LRP1B: variants seen among roughly 807,000 people sequenced by gnomAD.
LRP1B encodes LDL receptor related protein 1B, also known as low-density lipoprotein receptor-related protein 1B.
Under a neutral mutation model 556.6 loss-of-function variants are expected in LRP1B, and 217 were observed. The observed-to-expected ratio is 0.39, with a 90% CI of 0.35 to 0.44. LRP1B has a LOEUF of 0.44. Among genes scored for constraint, LRP1B ranks in the 20% least tolerant of loss-of-function variants. The pLI is 1.00. For synonymous variants in LRP1B, 2,047 were observed against 1,865.8 expected, an observed-to-expected ratio of 1.10 and a Z score of -2.50; for missense variants, 5,053 against 5,620.8, an observed-to-expected ratio of 0.90 and a Z score of 3.23.
intron 3 of LRP1B, among the ~76,000 whole-genome samples, chr2:141,367,203 C>A (rs74687083): frequency 6.6e-6 from 1 of 152,072 alleles, no homozygotes; most frequent in Non-Finnish European, 1.5e-5. Context: ...ATTAAGTGAG[C>A]TTCACATAAT....
At position 142,093,436 on chromosome 2, in the gene LRP1B, C is replaced by T. The variant is rs971753994; in HGVS notation, c.82+37212G>A. ...GGTGCAAGGAATGGAGAGTTAGCTC[C>T]TTTCTATTTTAAGATCACCACGTTC... is the stretch of plus-strand genomic sequence containing the variant. On this transcript the variant is annotated intron_variant, in intron 1 of 90. Transcript: ENST00000389484. 3.9e-5 allele frequency among the ~76,000 whole-genome samples: 6 copies of T among 152,064 alleles called. 1 individual carries two copies. The South Asian group carries it at 1.2e-3, about 32-fold the overall frequency.
intron 7 of LRP1B, among the ~76,000 whole-genome samples, chr2:141,128,228 T>G (rs1379178435): frequency 6.6e-6 from 1 of 152,222 alleles, no homozygotes; most frequent in Non-Finnish European, 1.5e-5. Context: ...TAGATTTTTA[T>G]TTTTTGAATA....
At chr2:141,964,537 G>T (rs1330960807) in intron 1 of LRP1B, among the ~76,000 whole-genome samples, 2 of 151,902 alleles carry the variant, frequency 1.3e-5, no homozygotes, top group South Asian at 2.1e-4. Context: ...AAACTGGCTA[G>T]CCATATGTAC....
intron 3 of LRP1B, among the ~76,000 whole-genome samples, chr2:141,474,658 G>A (rs1682631775): frequency 6.6e-6 from 1 of 152,144 alleles, no homozygotes; most frequent in Admixed American, 6.5e-5. Flanking sequence ...ATTATTTTAA[G>A]GAGTTGGTTG....
rs570435795 is a variant in LRP1B at position 141,343,471 on chromosome 2, G to A, written c.344-88830C>T. On this transcript the variant is annotated intron_variant, in intron 3 of 90. Coordinates refer to ENST00000389484, the MANE Select transcript of LRP1B (RefSeq NM_018557.3). Reference sequence around the variant, plus strand: ...TTGAACACAAGATAATGTGATTCACGCTTTTGTGTGCTAGATATTTTTGTG... The same window carrying A: ...TTGAACACAAGATAATGTGATTCACACTTTTGTGTGCTAGATATTTTTGTG... 3.5e-4 allele frequency among the ~76,000 whole-genome samples: 53 copies of A among 152,150 alleles called. 1 individual carries two copies. The highest frequency in any genetic ancestry group is 1.3e-3 in the African/African-American group (52 of 41,516).
At chr2:140,279,910 A>G (rs1265015069) in intron 84 of LRP1B, among the ~76,000 whole-genome samples, 2 of 151,934 alleles carry the variant, frequency 1.3e-5, no homozygotes, top group African/African-American at 2.4e-5. Flanking sequence ...AGTAGCCTTT[A>G]TAAAAGATAG....
chr2:140,420,761 C>T (rs1182248076), intron 66 of LRP1B, among the ~76,000 whole-genome samples: 2 of 152,146 alleles, frequency 1.3e-5, no homozygotes, highest in African/African-American at 2.4e-5. Context: ...TGAATACATG[C>T]TGTATGACTT....
At chr2:141,494,659 A>G (rs368351506) in intron 2 of LRP1B, among the ~76,000 whole-genome samples, 5 of 151,416 alleles carry the variant, frequency 3.3e-5, no homozygotes, top group African/African-American at 9.7e-5. Flanking sequence ...GTATTTGGTG[A>G]CTAGCGAATC....
chr2:141,373,040 T>C (rs1559035891), intron 3 of LRP1B, among the ~76,000 whole-genome samples: 1 of 152,096 alleles, frequency 6.6e-6, no homozygotes. Flanking sequence ...TATGTTGTGT[T>C]TTCATTTTCA....
intron 2 of LRP1B, among the ~76,000 whole-genome samples, chr2:141,626,204 C>T (rs898201069): frequency 1.3e-5 from 2 of 152,020 alleles, no homozygotes; most frequent in African/African-American, 4.8e-5. Flanking sequence ...AAAGGCAATA[C>T]AATAGAGAAA....
At chr2:140,664,537 T>A (rs1379050002) in intron 41 of LRP1B, among the ~76,000 whole-genome samples, 1 of 152,152 alleles carries the variant, frequency 6.6e-6, no homozygotes, top group Admixed American at 6.5e-5. Context: ...GGAAAGCATC[T>A]TTTATAAAGT....
chr2:141,528,346 A>G (rs1684760778), intron 2 of LRP1B, among the ~76,000 whole-genome samples: 2 of 151,934 alleles, frequency 1.3e-5, no homozygotes, highest in African/African-American at 4.8e-5. Flanking sequence ...AAGTTGTGTT[A>G]CTAAAAAGCA....
intron 3 of LRP1B, among the ~76,000 whole-genome samples, chr2:141,470,206 T>A (rs1187589822): frequency 6.6e-6 from 1 of 152,184 alleles, no homozygotes; most frequent in African/African-American, 2.4e-5. Flanking sequence ...AAGTTGAAAT[T>A]TCTAAAGTTT....
At chr2:140,630,373 C>T (rs1206861716) in intron 41 of LRP1B, among the ~76,000 whole-genome samples, 1 of 152,194 alleles carries the variant, frequency 6.6e-6, no homozygotes, top group Non-Finnish European at 1.5e-5. Context: ...AGCTGCAAAA[C>T]TGAAAATCAA....
At chr2:140,873,230 G>T (rs186777714) in intron 25 of LRP1B, among the ~76,000 whole-genome samples, 3 of 152,132 alleles carry the variant, frequency 2.0e-5, no homozygotes, top group Admixed American at 6.6e-5. Context: ...TGCCATAGGG[G>T]TTACAAAAGT....
At chr2:141,237,176 G>A (rs1683674786) in intron 5 of LRP1B, among the ~76,000 whole-genome samples, 1 of 152,116 alleles carries the variant, frequency 6.6e-6, no homozygotes, top group Admixed American at 6.6e-5. Flanking sequence ...GTGACATGAA[G>A]TCAAGGATTA....
chr2:140,719,759 A>T (rs1275847828), intron 35 of LRP1B, among the ~76,000 whole-genome samples: 1 of 152,080 alleles, frequency 6.6e-6, no homozygotes, highest in Non-Finnish European at 1.5e-5. Context: ...TATTAGGTAC[A>T]TTTGGGAAAT....
In LRP1B at chr2:140,429,906, CT is replaced by C. The variant is rs1441379247; in HGVS notation, c.10414+12597del. 6.6e-5 allele frequency among the ~76,000 whole-genome samples: 10 copies of C among 151,642 alleles called. No homozygotes were observed. The East Asian group carries it at 1.9e-3, about 29-fold the overall frequency. ...TTCTTCCTCACACCTGACACATATACTTTCTGCTCCCCGGCTCCTTCAGCTG... is the reference window on the plus strand; with the variant it reads ...TTCTTCCTCACACCTGACACATATACTTCTGCTCCCCGGCTCCTTCAGCTG... On this transcript the variant is annotated intron_variant, in intron 66 of 90. Transcript: ENST00000389484.
intron 1 of LRP1B, among the ~76,000 whole-genome samples, chr2:141,923,403 C>CTATATATATATATATA (rs61682272): frequency 0.038 from 3,919 of 101,980 alleles, 396 homozygotes; most frequent in African/African-American, 0.059. Context: ...ATCTCTGTCA[C>CTATATATATATATATA]TATATATATA....
Sources: gnomAD v4.1 joint callset for allele counts (sites outside exome capture counted in the v4.1 genomes callset) on GRCh38, gnomAD v4.1.1 for gene constraint, MANE v1.5 for transcripts, NCBI Gene and HGNC (gene_info 2026-07-23, HGNC 2026-07-21) for gene names.